RPGR: variants seen among roughly 807,000 people sequenced by gnomAD.
RPGR encodes the protein retinitis pigmentosa GTPase regulator.
RPGR carries 10 observed loss-of-function variants against 56.3 expected under a neutral mutation model. The observed-to-expected ratio is 0.18, with a 90% CI of 0.11 to 0.30. The LOEUF (loss-of-function observed/expected upper bound fraction) is 0.30. RPGR is among the 10% of genes least tolerant of loss of function. The probability of loss-of-function intolerance (pLI) is 1.00; values close to 1 mark genes in which losing one functional copy is unlikely to be tolerated. For synonymous variants in RPGR, 197 were observed against 212.9 expected (o/e 0.93, Z 0.65); for missense variants, 538 against 590.9 (o/e 0.91, Z 0.93).
At chrX:38,321,156 G>T in intron 3 of RPGR, 67 bp from the exon 4 acceptor site, 1 of 802,297 alleles carries the variant, frequency 1.2e-6, no homozygotes, top group Non-Finnish European at 1.9e-6. Context: ...CAGGACAAAT[G>T]GTAACTAAGT....
chrX:38,303,987 T>C lies in RPGR; in HGVS notation c.934+648A>G, dbSNP rs920640769. ...CTGTGGACTATATCAATTACCTACA[T>C]ATATGTGACTGAATCATTTAGGGGA... On this transcript the variant is annotated intron_variant, in intron 8 of 18. Transcript: ENST00000642395. Among the ~76,000 whole-genome samples, 3 of 112,452 alleles carry C rather than the reference T, an allele frequency of 2.7e-5. No homozygotes were observed. The Admixed American group carries it at 2.8e-4, about 11-fold the overall frequency.
chrX:38,299,785 A>G lies in RPGR; in HGVS notation c.1060-644T>C, dbSNP rs1378140789. 4.5e-5 allele frequency among the ~76,000 whole-genome samples: 5 copies of G among 110,310 alleles called. No homozygotes were observed. The South Asian group carries it at 1.5e-3, about 33-fold the overall frequency. ...AGTATTTTCCGTACATAGGTTCTAG[A>G]TACTTTATAATGTTCTATTTTTCCT... On this transcript the variant is annotated intron_variant, in intron 9 of 18. Coordinates refer to ENST00000642395, the MANE Select transcript of RPGR (RefSeq NM_000328.3).
Position 38,322,924 on chromosome X carries a change from A to C in RPGR, c.176T>G (p.Phe59Cys). 8.3e-7 allele frequency: 1 copy of C among 1,206,696 alleles called. No individual in the cohort carries two copies. The highest frequency in any genetic ancestry group is 1.1e-6 in the Non-Finnish European group (1 of 890,812). The change falls in exon 3 of 19, where the codon TTT (phenylalanine) becomes TGT (cysteine). Residue 59 changes from phenylalanine (F) to cysteine (C), a missense_variant. Around this residue, in one of 2 missense-constraint regions of RPGR, gnomAD observed 181 missense variants for 265.1 expected, o/e 0.68. Coordinates refer to ENST00000642395, the MANE Select transcript of RPGR (RefSeq NM_000328.3). ...TAACTGACCCCAGTTGTTACTGCCA[A>C]ACATGTAAAGTTTATTATTTCCTGG...
At chrX:38,310,038 G>A (rs1291556756) in intron 7 of RPGR, among the ~76,000 whole-genome samples, 1 of 110,378 alleles carries the variant, frequency 9.1e-6, no homozygotes, top group Non-Finnish European at 1.9e-5. Flanking sequence ...GAGTGCAGTG[G>A]GACAATCACA....
chrX:38,306,217 A>G (rs1048926979), intron 7 of RPGR, among the ~76,000 whole-genome samples: 1 of 111,966 alleles, frequency 8.9e-6, no homozygotes, highest in Non-Finnish European at 1.9e-5. Context: ...CTTGTTATTC[A>G]GGCCAGAACC....
intron 12 of RPGR, 60 bp downstream of exon 12, chrX:38,291,333 A>G: frequency 1.4e-6 from 1 of 689,711 alleles, no homozygotes; most frequent in Non-Finnish European, 2.3e-6. Flanking sequence ...ACACACATTC[A>G]CATACACAAT....
intron 11 of RPGR, among the ~76,000 whole-genome samples, chrX:38,292,744 A>G (rs1219920025): frequency 8.9e-6 from 1 of 112,344 alleles, no homozygotes; most frequent in African/African-American, 3.2e-5. Context: ...TGTAATTGCT[A>G]TTTCTTAATG....
intron 9 of RPGR, among the ~76,000 whole-genome samples, chrX:38,300,784 C>T (rs994216841): frequency 1.8e-5 from 2 of 112,419 alleles, no homozygotes. Context: ...ATCCGCCCGC[C>T]TTGGCCTCCC....
At chrX:38,281,697 A>G (rs1423241737) in intron 15 of RPGR, among the ~76,000 whole-genome samples, 1 of 111,436 alleles carries the variant, frequency 9.0e-6, no homozygotes, top group Non-Finnish European at 1.9e-5. Context: ...TTAATCGTCA[A>G]AAGTCCCTTC....
chrX:38,286,565 C>T (rs2067181598), intron 15 of RPGR: 1 of 1,097,266 alleles, frequency 9.1e-7, no homozygotes, highest in Non-Finnish European at 1.2e-6. Context: ...TCTACTTCCC[C>T]TCCCTCCTCT....
chrX:38,322,567 A>C (rs903067984), intron 3 of RPGR, among the ~76,000 whole-genome samples: 4 of 112,333 alleles, frequency 3.6e-5, no homozygotes, highest in African/African-American at 1.3e-4. Flanking sequence ...AAGTAGTTTT[A>C]CAAACTAACA....
chrX:38,299,291 G>C, intron 9 of RPGR, 150 bp from the exon 10 acceptor site: 1 of 537,880 alleles, frequency 1.9e-6, no homozygotes, highest in Non-Finnish European at 3.2e-6. Context: ...GTATGTGTGT[G>C]CACAATGAGA....
chrX:38,307,566 T>A (rs191912403), intron 7 of RPGR, among the ~76,000 whole-genome samples: 6 of 112,181 alleles, frequency 5.3e-5, no homozygotes, highest in Admixed American at 3.8e-4. Flanking sequence ...AACAGGTGAT[T>A]AGCTATTCTT....
Position 38,286,591 on chromosome X carries a change from C to T in RPGR, c.1905+503G>A, listed in dbSNP as rs1365914853. The T allele has an allele frequency of 1.1e-5, 12 of 1,081,114 alleles. No homozygotes were observed. In the Admixed American group the frequency reaches 3.8e-4, roughly 34 times the overall value. The allele number at this position is 1,081,114 out of a possible 1,213,427, so 89.1% of individuals were successfully genotyped here. A position where few individuals can be genotyped will look rare whatever the true frequency, so the allele number is the denominator to read the frequency against. The stretch of plus-strand genomic sequence containing the variant: ...TCCCTCCTCTTTTTCCTCCCCTCTC[C>T]CCTCTGTTTCCTCCTCTTCCCCCTC... On this transcript the variant is annotated intron_variant, in intron 15 of 18. Coordinates refer to ENST00000642395, the MANE Select transcript of RPGR (RefSeq NM_000328.3).
chrX:38,306,106 C>T (rs930689429), intron 7 of RPGR, among the ~76,000 whole-genome samples: 2 of 111,908 alleles, frequency 1.8e-5, no homozygotes, highest in East Asian at 2.8e-4. Context: ...CATTAGGAAG[C>T]GCAGTGTCGA....
intron 16 of RPGR, chrX:38,275,264 G>T: frequency 1.8e-6 from 1 of 550,067 alleles, no homozygotes; most frequent in South Asian, 2.7e-5. Flanking sequence ...ATAAACATGT[G>T]ACAATTACTT....
chrX:38,302,062 A>T (rs188610735), intron 8 of RPGR, among the ~76,000 whole-genome samples: 328 of 111,722 alleles, frequency 2.9e-3, no homozygotes, highest in Middle Eastern at 0.027. Flanking sequence ...AATGCTAACT[A>T]ATTCCTATAC....
intron 8 of RPGR, 135 bp from the exon 9 acceptor site, chrX:38,301,506 A>G: frequency 1.9e-6 from 1 of 534,219 alleles, no homozygotes; most frequent in Non-Finnish European, 3.1e-6. Context: ...TACTCTATTG[A>G]TCTTTCCACA....
intron 18 of RPGR, among the ~76,000 whole-genome samples, chrX:38,270,610 G>A (rs1002885738): frequency 1.5e-4 from 14 of 95,575 alleles, no homozygotes; most frequent in Non-Finnish European, 2.9e-4. Context: ...GCGACAGAGC[G>A]AGACTCTGTC....
Sources: allele counts gnomAD v4.1 joint callset (sites outside exome capture counted in the v4.1 genomes callset), GRCh38; gene constraint gnomAD v4.1.1; regional missense constraint gnomAD v4.1.1; transcripts MANE v1.5; gene names NCBI Gene and HGNC (gene_info 2026-07-23, HGNC 2026-07-21).